DLGAP2: variants seen among roughly 807,000 people sequenced by gnomAD.
The protein encoded by DLGAP2 is disks large-associated protein 2.
A neutral mutation model predicts 100.3 loss-of-function variants in DLGAP2; 26 were observed. The ratio of observed to expected loss-of-function variants is 0.26; its 90% CI spans 0.19 to 0.36. The LOEUF (loss-of-function observed/expected upper bound fraction) is 0.36, where lower values mean the gene tolerates loss of function less well. Ranked by LOEUF, DLGAP2 falls within the 10% of genes least tolerant of loss-of-function variation. The probability of loss-of-function intolerance (pLI) is 1.00; values close to 1 mark genes in which losing one functional copy is unlikely to be tolerated. For missense variants in DLGAP2, 1,858 were observed against 1,453.2 expected (o/e 1.28, Z -4.53); for synonymous variants, 886 against 630.1 (o/e 1.41, Z -6.08).
chr8:1,207,074 C>G (rs532095697), intron 2 of DLGAP2, among the ~76,000 whole-genome samples: 2 of 152,166 alleles, frequency 1.3e-5, no homozygotes, highest in African/African-American at 4.8e-5. Context: ...CACAGTGTTA[C>G]CTAAATCTGC....
intron 2 of DLGAP2, among the ~76,000 whole-genome samples, chr8:1,186,428 C>G (rs138482555): frequency 7.2e-5 from 11 of 152,318 alleles, no homozygotes; most frequent in Non-Finnish European, 1.6e-4. Context: ...GGCCTCCTCT[C>G]CAGCCCGCTG....
At chr8:1,557,446 T>TGGGGCAG (rs1256733040) in intron 5 of DLGAP2, among the ~76,000 whole-genome samples, 1 of 152,028 alleles carries the variant, frequency 6.6e-6, no homozygotes, top group Non-Finnish European at 1.5e-5. Context: ...GGACACAGGA[T>TGGGGCAG]GGGGCAGAGG....
intron 2 of DLGAP2, among the ~76,000 whole-genome samples, chr8:922,365 A>G (rs1798732889): frequency 6.6e-6 from 1 of 152,230 alleles, no homozygotes; most frequent in East Asian, 1.9e-4. Flanking sequence ...AGGTTATTCA[A>G]GTCATGCCGA....
rs945161926 is a variant in DLGAP2 at position 1,702,674 on chromosome 8, C to A, written c.*1268C>A. On this transcript the variant is annotated 3_prime_UTR_variant, in exon 15 of 15. Transcript: ENST00000637795. Reference sequence around the variant, plus strand: ...GGTCGGTGCCAGAGGAAAATAGGAACGACTCTAATTAATAGGCTTTCTGTG... The same window carrying A: ...GGTCGGTGCCAGAGGAAAATAGGAAAGACTCTAATTAATAGGCTTTCTGTG... The A allele has an allele frequency of 6.6e-6, 1 of 152,128 alleles. No individual in the cohort carries two copies. The highest frequency in any genetic ancestry group is 1.5e-5 in the Non-Finnish European group (1 of 68,016). The allele number at this position is 152,128 out of a possible 1,614,324, so 9.4% of individuals were successfully genotyped here. A position where few individuals can be genotyped will look rare whatever the true frequency, so the allele number is the denominator to read the frequency against.
intron 3 of DLGAP2, among the ~76,000 whole-genome samples, chr8:1,284,170 C>T (rs1304256501): frequency 1.3e-5 from 2 of 152,228 alleles, no homozygotes; most frequent in East Asian, 3.8e-4. Flanking sequence ...TAGCTAAGTA[C>T]AGCAATTTCC....
intron 3 of DLGAP2, among the ~76,000 whole-genome samples, chr8:1,305,626 G>T (rs952613128): frequency 6.6e-6 from 1 of 152,154 alleles, no homozygotes; most frequent in Non-Finnish European, 1.5e-5. Flanking sequence ...CCGGCAACCT[G>T]CCAGGATAAA....
intron 2 of DLGAP2, among the ~76,000 whole-genome samples, chr8:927,507 A>G (rs1798842610): frequency 1.3e-5 from 2 of 152,172 alleles, no homozygotes; most frequent in South Asian, 4.1e-4. Flanking sequence ...CTTAAAGTTC[A>G]AAGTCCTCCG....
At chr8:1,166,276 T>G (rs982046040) in intron 2 of DLGAP2, among the ~76,000 whole-genome samples, 1 of 152,166 alleles carries the variant, frequency 6.6e-6, no homozygotes, top group Non-Finnish European at 1.5e-5. Flanking sequence ...CCAGTCCCCG[T>G]GCAAGATGCA....
intron 2 of DLGAP2, among the ~76,000 whole-genome samples, chr8:915,605 C>T (rs575155250): frequency 1.3e-5 from 2 of 151,998 alleles, no homozygotes; most frequent in Non-Finnish European, 2.9e-5. Flanking sequence ...CTCGGTGGCA[C>T]CTGCCACAGC....
At chr8:1,417,825 A>G (rs1796973745) in intron 3 of DLGAP2, among the ~76,000 whole-genome samples, 1 of 152,210 alleles carries the variant, frequency 6.6e-6, no homozygotes, top group Non-Finnish European at 1.5e-5. Flanking sequence ...AATGCATTTG[A>G]AGAATTCGAT....
At chr8:1,208,774 A>G (rs1159336481) in intron 2 of DLGAP2, among the ~76,000 whole-genome samples, 4 of 152,156 alleles carry the variant, frequency 2.6e-5, no homozygotes, top group African/African-American at 9.7e-5. Flanking sequence ...CACAAAATCA[A>G]TGTACACAAA....
At chr8:1,536,674 G>T (rs1483269470) in intron 4 of DLGAP2, among the ~76,000 whole-genome samples, 1 of 152,216 alleles carries the variant, frequency 6.6e-6, no homozygotes, top group Non-Finnish European at 1.5e-5. Flanking sequence ...CTCAGGTGCA[G>T]TCAGCAGACT....
chr8:1,510,325 C>T (rs1010236027), intron 4 of DLGAP2, among the ~76,000 whole-genome samples: 13 of 152,194 alleles, frequency 8.5e-5, no homozygotes, highest in African/African-American at 2.7e-4. Context: ...GGTCCGCTGT[C>T]GGGACCTTGC....
intron 3 of DLGAP2, among the ~76,000 whole-genome samples, chr8:1,485,204 C>A (rs1258633942): frequency 6.6e-6 from 1 of 152,222 alleles, no homozygotes. Context: ...TTCCTCTCAT[C>A]TTGCCAGATA....
intron 2 of DLGAP2, among the ~76,000 whole-genome samples, chr8:1,132,013 T>A (rs903224712): frequency 6.6e-6 from 1 of 152,216 alleles, no homozygotes; most frequent in African/African-American, 2.4e-5. Flanking sequence ...CAGGTTGCAT[T>A]TAACTGTCAG....
At chr8:1,325,616 C>A (rs924238298) in intron 3 of DLGAP2, among the ~76,000 whole-genome samples, 5 of 151,686 alleles carry the variant, frequency 3.3e-5, no homozygotes, top group Admixed American at 2.6e-4. Context: ...ATTAAGGGGA[C>A]ACAAGCATAC....
intron 2 of DLGAP2, among the ~76,000 whole-genome samples, chr8:950,909 C>G (rs1799463791): frequency 2.0e-5 from 3 of 152,078 alleles, no homozygotes; most frequent in Non-Finnish European, 4.4e-5. Flanking sequence ...CAGACGTGAG[C>G]CACCGCGCTC....
intron 3 of DLGAP2, among the ~76,000 whole-genome samples, chr8:1,475,808 T>C (rs1463369334): frequency 2.0e-5 from 3 of 152,218 alleles, no homozygotes; most frequent in Non-Finnish European, 2.9e-5. Context: ...GTGTGATTTA[T>C]AGGAGATCAT....
chr8:1,626,719 C>G, intron 6 of DLGAP2, 21 bp from the exon 7 acceptor site: 1 of 1,581,974 alleles, frequency 6.3e-7, no homozygotes, highest in Non-Finnish European at 8.6e-7. Context: ...AATGCCTTTT[C>G]TCCTTTCTTC....
Sources: gnomAD v4.1 joint callset for allele counts (sites outside exome capture counted in the v4.1 genomes callset) on GRCh38, gnomAD v4.1.1 for gene constraint, MANE v1.5 for transcripts, NCBI Gene and HGNC (gene_info 2026-07-23, HGNC 2026-07-21) for gene names.